Variants in FAM120B observed in about 807,000 individuals in gnomAD.
FAM120B encodes the protein family with sequence similarity 120 member B, also known as constitutive coactivator of peroxisome proliferator-activated receptor gamma.
FAM120B carries 83 observed loss-of-function variants against 96.3 expected under a neutral mutation model. The ratio of observed to expected loss-of-function variants is 0.86; its 90% CI spans 0.72 to 1.03. The LOEUF is 1.03. Among genes scored for constraint, FAM120B ranks in the 50% least tolerant of loss-of-function variants. The probability of loss-of-function intolerance (pLI) is 0.00; values close to 1 mark genes in which losing one functional copy is unlikely to be tolerated. For missense variants in FAM120B, 1,027 were observed against 1,121.2 expected, an observed-to-expected ratio of 0.92 and a Z score of 1.20; for synonymous variants, 407 against 402.7, an observed-to-expected ratio of 1.01 and a Z score of -0.13.
chr6:170,344,473 G>A (rs1309495691), intron 4 of FAM120B, among the ~76,000 whole-genome samples: 1 of 131,892 alleles, frequency 7.6e-6, no homozygotes, highest in Non-Finnish European at 1.6e-5. Flanking sequence ...CGTTGCCTGC[G>A]GTGCTAGCCT....
intron 4 of FAM120B, among the ~76,000 whole-genome samples, chr6:170,333,170 G>A (rs1184904404): frequency 2.7e-4 from 9 of 33,660 alleles, no homozygotes; most frequent in Non-Finnish European, 5.2e-4. Flanking sequence ...CCGCCCCCCC[G>A]CCCCCCGCAA....
upstream of FAM120B, chr6:170,291,199 T>G: frequency 1.9e-6 from 1 of 519,174 alleles, no homozygotes; most frequent in Non-Finnish European, 3.6e-6. Context: ...CTCATTTACA[T>G]TCCTGCAAAA....
chr6:170,398,962 C>G (rs1332718080), intron 9 of FAM120B, among the ~76,000 whole-genome samples: 31 of 150,206 alleles, frequency 2.1e-4, no homozygotes, highest in African/African-American at 7.2e-4. Flanking sequence ...TATGTCATAA[C>G]TCTTAGGAGT....
At chr6:170,361,250 ATATACGTG>A (rs1788434885) in intron 6 of FAM120B, among the ~76,000 whole-genome samples, 2 of 140,740 alleles carry the variant, frequency 1.4e-5, no homozygotes, top group Admixed American at 7.5e-5. Flanking sequence ...GTATATATAT[ATATACGTG>A]TATATATATA....
At chr6:170,394,104 C>T (rs997741668) in intron 8 of FAM120B, among the ~76,000 whole-genome samples, 1 of 152,222 alleles carries the variant, frequency 6.6e-6, no homozygotes, top group Non-Finnish European at 1.5e-5. Flanking sequence ...GTCACCAGTC[C>T]TGCAGACCAG....
intron 4 of FAM120B, among the ~76,000 whole-genome samples, chr6:170,335,504 C>T (rs570731974): frequency 6.6e-6 from 1 of 152,252 alleles, no homozygotes; most frequent in East Asian, 1.9e-4. Context: ...GTAAATAGTA[C>T]TGCAGTAAAC....
At chr6:170,357,224 C>T (rs934470125) in intron 5 of FAM120B, among the ~76,000 whole-genome samples, 5 of 152,076 alleles carry the variant, frequency 3.3e-5, no homozygotes, top group African/African-American at 1.2e-4. Flanking sequence ...CCTTAGGATG[C>T]TGTGGAGTCG....
At position 170,358,108 on chromosome 6, in the gene FAM120B, G is replaced by C. The variant is rs1016898082; in HGVS notation, c.2191-118G>C. The stretch of plus-strand genomic sequence containing the variant: ...GGTGCCTGTGCGTGTGCCTGTACGT[G>C]CCTGTGTGTGCATGTTTGCGCCTAT... On this transcript the variant is annotated intron_variant, in intron 5 of 10. Coordinates refer to ENST00000476287, the MANE Select transcript of FAM120B (RefSeq NM_032448.3). 3 of 806,442 alleles carry C rather than the reference G, an allele frequency of 3.7e-6. No homozygotes were observed. The Admixed American group carries it at 6.7e-5, about 18-fold the overall frequency. The allele number at this position is 806,442 out of a possible 1,614,324, so 50.0% of individuals were successfully genotyped here.
intron 4 of FAM120B, among the ~76,000 whole-genome samples, chr6:170,343,978 C>T (rs1487798396): frequency 1.1e-4 from 16 of 151,576 alleles, no homozygotes; most frequent in Non-Finnish European, 1.2e-4. Flanking sequence ...TGAGCAGCCC[C>T]ACCTTGGAAG....
At chr6:170,337,471 G>A (rs1786516352) in intron 4 of FAM120B, among the ~76,000 whole-genome samples, 1 of 152,152 alleles carries the variant, frequency 6.6e-6, no homozygotes, top group Non-Finnish European at 1.5e-5. Flanking sequence ...ATGTTCATCA[G>A]AGATATTAGC....
rs747622102 is a variant in FAM120B at position 170,348,337 on chromosome 6, G to A, written c.2190+14G>A. 4 of 1,611,288 alleles carry A rather than the reference G, an allele frequency of 2.5e-6. No homozygotes were observed. The East Asian group carries it at 8.9e-5, about 36-fold the overall frequency. On this transcript the variant is annotated intron_variant, in intron 5 of 10. Transcript: ENST00000476287. ...CTCTTTGTCCAGGTAATGTCCAGCT[G>A]CCCGTTCTAGTCACTGCAGCCTGCG...
chr6:170,333,604 G>A (rs999609276), intron 4 of FAM120B, among the ~76,000 whole-genome samples: 4 of 146,380 alleles, frequency 2.7e-5, no homozygotes, highest in African/African-American at 5.1e-5. Flanking sequence ...TGCAACCTCC[G>A]CCTCCTGAGT....
At chr6:170,401,714 C>T (rs998577604) in intron 9 of FAM120B, among the ~76,000 whole-genome samples, 3 of 152,200 alleles carry the variant, frequency 2.0e-5, no homozygotes, top group Admixed American at 1.3e-4. Context: ...AATTTTTGCC[C>T]ACCAACAGGA....
In FAM120B at chr6:170,332,191, T is replaced by G. The variant is rs144942881; in HGVS notation, c.2017+1641T>G. The stretch of plus-strand genomic sequence containing the variant: ...ACTCTAGAAATTGGATTTGAATTTT[T>G]TATTCCAGATTATTTCAATGGGTGA... On this transcript the variant is annotated intron_variant, in intron 4 of 10. Transcript: ENST00000476287. Among the ~76,000 whole-genome samples, 15 of 152,358 alleles carry G rather than the reference T, an allele frequency of 9.8e-5. No homozygotes were observed. In the East Asian group the frequency reaches 2.9e-3, roughly 29 times the overall value.
At chr6:170,291,136 CT>C (rs1408898449), upstream of FAM120B, 77 of 542,046 alleles carry the variant, frequency 1.4e-4, no homozygotes, top group Admixed American at 1.7e-3. Context: ...CCCCCCAGTC[CT>C]CCCCTGCCCC....
chr6:170,292,880 A>G (rs1783918065), upstream of FAM120B, among the ~76,000 whole-genome samples: 2 of 152,300 alleles, frequency 1.3e-5, no homozygotes, highest in South Asian at 4.1e-4. The surrounding 1 kb of genome is among the most constrained non-coding windows in gnomAD (Gnocchi z 6.6). Context: ...ACCACAAGAA[A>G]CAAGCATATG....
chr6:170,291,149 G>A (rs1229445546), upstream of FAM120B: 2 of 379,790 alleles, frequency 5.3e-6, no homozygotes, highest in African/African-American at 5.3e-5. Flanking sequence ...CCCTGCCCCC[G>A]CCCCCAGCCC....
intron 4 of FAM120B, among the ~76,000 whole-genome samples, chr6:170,342,284 G>A (rs17572402): frequency 0.081 from 12,331 of 152,134 alleles, 544 homozygotes; most frequent in Non-Finnish European, 0.1. Context: ...CAAATGATCT[G>A]AGCTAAAAGA....
intron 6 of FAM120B, among the ~76,000 whole-genome samples, chr6:170,382,119 TA>T (rs1480728665): frequency 6.6e-6 from 1 of 152,080 alleles, no homozygotes; most frequent in African/African-American, 2.4e-5. Flanking sequence ...CCAAGGAATC[TA>T]CAAAAAAAAC....
Sources: gnomAD v4.1 joint callset for allele counts (sites outside exome capture counted in the v4.1 genomes callset) on GRCh38, gnomAD v4.1.1 for gene constraint, Gnocchi (gnomAD v3.1) non-coding constraint, MANE v1.5 for transcripts, NCBI Gene and HGNC (gene_info 2026-07-23, HGNC 2026-07-21) for gene names.